BCAS3: variants seen among roughly 807,000 people sequenced by gnomAD.
BCAS3 encodes the protein BCAS4/BCAS3 fusion.
In BCAS3, 53 loss-of-function variants were observed where a neutral mutation model predicts 116.1. The ratio of observed to expected loss-of-function variants is 0.46; its 90% CI spans 0.37 to 0.57. The LOEUF (loss-of-function observed/expected upper bound fraction) is 0.57. BCAS3 is among the 20% of genes least tolerant of loss of function. The pLI is 0.00. For missense variants in BCAS3, 917 were observed against 1,165.4 expected, an observed-to-expected ratio of 0.79 and a Z score of 3.10; for synonymous variants, 391 against 408.2, an observed-to-expected ratio of 0.96 and a Z score of 0.51.
rs1242140276 is a variant in BCAS3 at position 61,337,330 on chromosome 17, T to C, written c.2426-30997T>C. ...TTCCTGGCTAATGTGGGGTCTGTGA[T>C]TCAGTGTTCTCCCAGGTCAGTGCTG... On this transcript the variant is annotated intron_variant, in intron 22 of 23. Transcript: ENST00000407086. This position sits in a 1 kb window ranked among gnomAD's most constrained non-coding sequence, Gnocchi z 4.8. Among the ~76,000 whole-genome samples, 1 of 152,140 alleles carries C rather than the reference T, an allele frequency of 6.6e-6. No individual in the cohort carries two copies.
chr17:61,067,797 A>G (rs1445457256), intron 19 of BCAS3, among the ~76,000 whole-genome samples: 1 of 151,270 alleles, frequency 6.6e-6, no homozygotes, highest in Non-Finnish European at 1.5e-5. Flanking sequence ...ATATATTCCT[A>G]TAAGAAAAAT....
chr17:60,852,213 A>G (rs1044168527), intron 7 of BCAS3, among the ~76,000 whole-genome samples: 1 of 151,996 alleles, frequency 6.6e-6, no homozygotes, highest in Non-Finnish European at 1.5e-5. Flanking sequence ...TACATGTGCC[A>G]TGTTGGTGTG....
chr17:60,697,899 G>A lies in BCAS3; in HGVS notation c.214+8138G>A, dbSNP rs374620727. On this transcript the variant is annotated intron_variant, in intron 4 of 23. Transcript: ENST00000407086. ...AAAAAGAAGCCAGTAAAGAAAATAG[G>A]CCGGGTACGATGGCTCACGCCTGTA... is the stretch of plus-strand genomic sequence containing the variant. Among the ~76,000 whole-genome samples the A allele has an allele frequency of 3.9e-4, 59 of 152,266 alleles. No homozygotes were observed. The East Asian group carries it at 9.1e-3, about 23-fold the overall frequency.
chr17:60,999,965 T>C (rs774006145), intron 15 of BCAS3, among the ~76,000 whole-genome samples: 3 of 152,184 alleles, frequency 2.0e-5, no homozygotes, highest in Non-Finnish European at 4.4e-5. Context: ...TTGAATATTA[T>C]TGTTGTCTAG....
In BCAS3 at chr17:61,392,657, C is replaced by T. The variant is rs1160510504; in HGVS notation, c.*532C>T. ...GTACTAGGGAAGGAGGAAGGGAGGA[C>T]ATGCCTCTTCTTCCTCCTTTCTTTC... On this transcript the variant is annotated 3_prime_UTR_variant, in exon 24 of 24. Coordinates refer to ENST00000407086, the MANE Select transcript of BCAS3 (RefSeq NM_017679.5). This position sits in a 1 kb window ranked among gnomAD's most constrained non-coding sequence, Gnocchi z 6.4. 6.5e-6 allele frequency: 1 copy of T among 154,230 alleles called. No individual in the cohort carries two copies. Among genetic ancestry groups the T allele is most frequent in the Non-Finnish European group, 1.4e-5 (1 of 69,596 alleles). 9.6% of individuals were successfully genotyped at this position (154,230 alleles called of 1,614,324 possible).
chr17:60,936,321 A>G (rs9913736), intron 13 of BCAS3, among the ~76,000 whole-genome samples: 23,286 of 138,374 alleles, frequency 0.17, 2,590 homozygotes, highest in African/African-American at 0.31. Context: ...ATAAACATAC[A>G]TGTGCATGTG....
chr17:61,322,858 G>GAGAGAGAGAGAGAGAGAGAGAT (rs1568850946), intron 22 of BCAS3, among the ~76,000 whole-genome samples: 1 of 134,138 alleles, frequency 7.5e-6, no homozygotes, highest in African/African-American at 2.9e-5. Flanking sequence ...GAGAGAGACA[G>GAGAGAGAGAGAGAGAGAGAGAT]AGAGAGAGAG....
In BCAS3 at chr17:61,235,745, A is replaced by T. The variant is rs941531370; in HGVS notation, c.2426-132582A>T. ...AGAAGGAGAAAGAAAGACAAGGGAA[A>T]AAAATGGTTAGGGAGGCTGCAAAAG... is the stretch of plus-strand genomic sequence containing the variant. On this transcript the variant is annotated intron_variant, in intron 22 of 23. Transcript: ENST00000407086. The surrounding 1 kb of genome is among the most constrained non-coding windows in gnomAD (Gnocchi z 5.0). Among the ~76,000 whole-genome samples, 23 of 152,284 alleles carry T rather than the reference A, an allele frequency of 1.5e-4. No individual in the cohort carries two copies. Among genetic ancestry groups the T allele is most frequent in the African/African-American group, 5.5e-4 (23 of 41,562 alleles).
chr17:61,061,950 A>T lies in BCAS3; in HGVS notation c.2030-12970A>T, dbSNP rs573940157. On this transcript the variant is annotated intron_variant, in intron 19 of 23. Transcript: ENST00000407086. ...GATACGGAGACATTATGCATAAGCAAGTTAGAAGTAGCACACCCCCTTTAA... is the reference window on the plus strand; with the variant it reads ...GATACGGAGACATTATGCATAAGCATGTTAGAAGTAGCACACCCCCTTTAA... Among the ~76,000 whole-genome samples the T allele has an allele frequency of 2.7e-3, 406 of 152,350 alleles. 3 individuals are homozygous for T. Among genetic ancestry groups the T allele is most frequent in the African/African-American group, 9.4e-3 (391 of 41,594 alleles).
At position 61,378,610 on chromosome 17, in the gene BCAS3, A is replaced by G. The variant is rs2059447319; in HGVS notation, c.2593+10116A>G. On this transcript the variant is annotated intron_variant, in intron 23 of 23. Transcript: ENST00000407086. This position sits in a 1 kb window ranked among gnomAD's most constrained non-coding sequence, Gnocchi z 5.8. ...GTCTGAACCATCTTTGTTATCCCCA[A>G]CCACCAGCCTTCTCCCTGCCCAGCA... is the stretch of plus-strand genomic sequence containing the variant. The G allele has an allele frequency of 1.3e-5, 2 of 152,136 alleles. No homozygotes were observed. The highest frequency in any genetic ancestry group is 2.1e-4 in the South Asian group (1 of 4,816). The allele number at this position is 152,136 out of a possible 1,614,324, so 9.4% of individuals were successfully genotyped here.
intron 14 of BCAS3, among the ~76,000 whole-genome samples, chr17:60,985,848 C>T (rs2063111228): frequency 6.6e-6 from 1 of 152,118 alleles, no homozygotes; most frequent in African/African-American, 2.4e-5. Flanking sequence ...GAGTTTCTTC[C>T]ACCTCAGTCT....
rs2072901539 is a variant in BCAS3, at chr17:61,084,277, T to A, written c.2328-190T>A. ...GATAAGTTAGAAGGGGTCCAGAGTGTAGAGAATATTTGTAGTGTTTTATCC... is the reference window on the plus strand; with the variant it reads ...GATAAGTTAGAAGGGGTCCAGAGTGAAGAGAATATTTGTAGTGTTTTATCC... On this transcript the variant is annotated intron_variant, in intron 21 of 23. Transcript: ENST00000407086. This position sits in a 1 kb window ranked among gnomAD's most constrained non-coding sequence, Gnocchi z 5.5. 6.6e-6 allele frequency among the ~76,000 whole-genome samples: 1 copy of A among 152,168 alleles called. No homozygotes were observed. Among genetic ancestry groups the A allele is most frequent in the Non-Finnish European group, 1.5e-5 (1 of 68,024 alleles).
intron 14 of BCAS3, among the ~76,000 whole-genome samples, chr17:60,982,865 C>G (rs532581519): frequency 6.6e-6 from 1 of 152,128 alleles, no homozygotes; most frequent in East Asian, 1.9e-4. Flanking sequence ...TTTACTGAAC[C>G]CAGTTCTAAA....
At chr17:61,168,603 A>C (rs1384191039) in intron 22 of BCAS3, among the ~76,000 whole-genome samples, 3 of 152,212 alleles carry the variant, frequency 2.0e-5, no homozygotes, top group African/African-American at 7.2e-5. Context: ...TGGTAGATCA[A>C]AAAATGTATG....
At chr17:61,223,305 T>C (rs948548624) in intron 22 of BCAS3, among the ~76,000 whole-genome samples, 1 of 151,988 alleles carries the variant, frequency 6.6e-6, no homozygotes, top group Non-Finnish European at 1.5e-5. Context: ...TACAGGCATG[T>C]GCCACCACGC....
intron 22 of BCAS3, among the ~76,000 whole-genome samples, chr17:61,101,472 T>C (rs2074325328): frequency 6.6e-6 from 1 of 152,180 alleles, no homozygotes; most frequent in Non-Finnish European, 1.5e-5. Context: ...AGCAAAGTGA[T>C]TATATTTCCC....
At chr17:60,903,328 T>C (rs1320407251) in intron 11 of BCAS3, among the ~76,000 whole-genome samples, 1 of 152,214 alleles carries the variant, frequency 6.6e-6, no homozygotes. Flanking sequence ...TCACACTGTT[T>C]TATGTAAAAC....
chr17:60,876,280 T>A (rs1452969645), intron 9 of BCAS3, among the ~76,000 whole-genome samples: 1 of 152,068 alleles, frequency 6.6e-6, no homozygotes, highest in African/African-American at 2.4e-5. Flanking sequence ...GCTTCTTATG[T>A]CCCATTTAAT....
At chr17:60,735,695 C>G (rs12149972) in intron 5 of BCAS3, among the ~76,000 whole-genome samples, 7,705 of 152,204 alleles carry the variant, frequency 0.051, 241 homozygotes, top group Non-Finnish European at 0.07. Context: ...TTCAAGCGAT[C>G]CACTCACCTC....
Sources: gnomAD v4.1 joint callset for allele counts (sites outside exome capture counted in the v4.1 genomes callset) on GRCh38, gnomAD v4.1.1 for gene constraint, Gnocchi (gnomAD v3.1) non-coding constraint, MANE v1.5 for transcripts, NCBI Gene and HGNC (gene_info 2026-07-23, HGNC 2026-07-21) for gene names.